SLC25A43: variants seen among roughly 807,000 people sequenced by gnomAD.
SLC25A43 encodes the protein solute carrier family 25, member 43.
SLC25A43 carries 10 observed loss-of-function variants against 22.8 expected under a neutral mutation model. The ratio of observed to expected loss-of-function variants is 0.44; its 90% CI spans 0.27 to 0.74. The LOEUF (loss-of-function observed/expected upper bound fraction) is 0.74, where lower values mean the gene tolerates loss of function less well. Ranked by LOEUF, SLC25A43 falls within the 30% of genes least tolerant of loss-of-function variation. SLC25A43 has a pLI of 0.17. For synonymous variants in SLC25A43, 106 were observed against 121.6 expected (o/e 0.87, Z 0.84); for missense variants, 233 against 279.1 (o/e 0.83, Z 1.18).
At chrX:119,417,026 GC>G (rs748290047) in intron 3 of SLC25A43, among the ~76,000 whole-genome samples, 1 of 111,761 alleles carries the variant, frequency 8.9e-6, no homozygotes, top group Non-Finnish European at 1.9e-5. Flanking sequence ...GCCACTTCAT[GC>G]CTAGTTCAAG....
chrX:119,405,595 C>CAAAAAAAAAAAAAAA (rs56389948), intron 1 of SLC25A43, among the ~76,000 whole-genome samples: 1 of 51,166 alleles, frequency 2.0e-5, no homozygotes, highest in Non-Finnish European at 3.4e-5. Context: ...CCTATCTCTA[C>CAAAAAAAAAAAAAAA]AAAAAAAAAA....
intron 3 of SLC25A43, among the ~76,000 whole-genome samples, chrX:119,415,043 C>T (rs866200820): frequency 9.2e-6 from 1 of 108,812 alleles, no homozygotes; most frequent in African/African-American, 3.4e-5. Flanking sequence ...CCTCAGCCTC[C>T]TGAGTAGCTG....
Position 119,444,496 on chromosome X carries a change from G to T in SLC25A43, c.691-7513G>T, listed in dbSNP as rs532233795. Among the ~76,000 whole-genome samples, 16 of 103,520 alleles carry T rather than the reference G, an allele frequency of 1.5e-4. No homozygotes were observed. In the South Asian group the frequency reaches 7.0e-3, roughly 46 times the overall value. 89.9% of individuals were successfully genotyped at this position (103,520 alleles called of 115,157 possible). ...CGAGGTGGGTGGATCACGAGGTCGA[G>T]AGATCGAGATCACCCTGACCAACAT... On this transcript the variant is annotated intron_variant, in intron 3 of 4. Coordinates refer to ENST00000217909, the MANE Select transcript of SLC25A43 (RefSeq NM_145305.3).
intron 1 of SLC25A43, 64 bp from the exon 2 acceptor site, chrX:119,406,396 G>A (rs2052296582): frequency 1.7e-6 from 2 of 1,157,042 alleles, no homozygotes; most frequent in African/African-American, 3.6e-5. Context: ...TCAAGAACTA[G>A]TGGAGAGAAC....
chrX:119,435,119 G>A (rs1425590080), intron 3 of SLC25A43, among the ~76,000 whole-genome samples: 1 of 111,013 alleles, frequency 9.0e-6, no homozygotes. Context: ...GATTACAGGC[G>A]TGAGCCACTG....
chrX:119,444,891 C>G lies in SLC25A43; in HGVS notation c.691-7118C>G, dbSNP rs190188277. ...CTCTACGAAAAATACAAAAATTAGC[C>G]AGGCGATGTGGCACGTGCCTGTAAT... On this transcript the variant is annotated intron_variant, in intron 3 of 4. Transcript: ENST00000217909. Among the ~76,000 whole-genome samples the G allele has an allele frequency of 3.3e-3, 354 of 107,555 alleles. 5 individuals carry two copies. The highest frequency in any genetic ancestry group is 0.012 in the African/African-American group (343 of 29,549). The allele number at this position is 107,555 out of a possible 115,157, so 93.4% of individuals were successfully genotyped here.
intron 3 of SLC25A43, among the ~76,000 whole-genome samples, chrX:119,433,962 A>G (rs1229036886): frequency 8.9e-6 from 1 of 112,144 alleles, no homozygotes; most frequent in Non-Finnish European, 1.9e-5. Context: ...AAGTCAAGGG[A>G]GTAACCTGAT....
At chrX:119,452,231 G>T in intron 4 of SLC25A43, 88 bp downstream of exon 4, 2 of 1,061,163 alleles carry the variant, frequency 1.9e-6, no homozygotes, top group East Asian at 6.2e-5. Context: ...ACTACAGTTT[G>T]CTTGGAAAAC....
At chrX:119,413,812 T>A (rs1269166043) in intron 3 of SLC25A43, among the ~76,000 whole-genome samples, 1 of 112,027 alleles carries the variant, frequency 8.9e-6, no homozygotes, top group Non-Finnish European at 1.9e-5. Flanking sequence ...ACCATATGGA[T>A]GTGCCAAAAA....
chrX:119,411,657 C>G (rs1286266774), intron 3 of SLC25A43, among the ~76,000 whole-genome samples: 1 of 111,606 alleles, frequency 9.0e-6, no homozygotes, highest in East Asian at 2.8e-4. Context: ...GGGTGGGTAA[C>G]AGTTATATCT....
Position 119,452,139 on chromosome X carries a change from T to C in SLC25A43, c.821T>C (p.Leu274Pro). The change falls in exon 4 of 5, where the codon CTG (leucine) becomes CCG (proline). Residue 274 changes from leucine to proline, a missense_variant. Transcript: ENST00000217909. Reference sequence around the variant, plus strand: ...TGGAATGGATTGACAGCCAATTTACTGAAGGTGAGAAGAGCCACCAGCCTC... The same window carrying C: ...TGGAATGGATTGACAGCCAATTTACCGAAGGTGAGAAGAGCCACCAGCCTC... ...GLWNGLTANL[L>P]KIVPYFGIMF... is the part of the protein sequence containing the mutation. 8.4e-7 allele frequency: 1 copy of C among 1,192,158 alleles called. No homozygotes were observed.
At chrX:119,416,193 T>C (rs1382952590) in intron 3 of SLC25A43, among the ~76,000 whole-genome samples, 1 of 109,368 alleles carries the variant, frequency 9.1e-6, no homozygotes, top group African/African-American at 3.3e-5. Context: ...TCTATCTTAA[T>C]GACCATAACT....
intron 3 of SLC25A43, among the ~76,000 whole-genome samples, chrX:119,435,562 G>A (rs1230115166): frequency 3.6e-5 from 2 of 56,207 alleles, no homozygotes; most frequent in African/African-American, 1.4e-4. Flanking sequence ...CTGGTGCGCT[G>A]CACCCACTAA....
intron 2 of SLC25A43, among the ~76,000 whole-genome samples, chrX:119,408,513 G>A (rs2052318292): frequency 9.0e-6 from 1 of 111,374 alleles, no homozygotes; most frequent in Non-Finnish European, 1.9e-5. Context: ...AGCATCTCCA[G>A]AAATTAGCCC....
rs58081965 is a variant in SLC25A43 at position 119,443,116 on chromosome X, C to CTTTT, written c.691-8875_691-8872dup. ...CAGTCTTTCTTTTCCCATTCTCTCT[C>CTTTT]TTTTTTTTTTTTTTTTTTTTTGAGA... On this transcript the variant is annotated intron_variant, in intron 3 of 4. Transcript: ENST00000217909. Among the ~76,000 whole-genome samples the CTTTT allele has an allele frequency of 5.9e-4, 43 of 73,443 alleles. 1 individual carries two copies. The highest frequency in any genetic ancestry group is 9.3e-4 in the East Asian group (2 of 2,160). 63.8% of individuals were successfully genotyped at this position (73,443 alleles called of 115,157 possible).
At chrX:119,407,213 C>T (rs1456548719) in intron 2 of SLC25A43, among the ~76,000 whole-genome samples, 1 of 111,824 alleles carries the variant, frequency 8.9e-6, no homozygotes, top group African/African-American at 3.3e-5. Context: ...TGGGTGTCTT[C>T]CCATCTCTCT....
intron 3 of SLC25A43, among the ~76,000 whole-genome samples, chrX:119,420,590 G>A (rs1182783619): frequency 8.9e-6 from 1 of 111,817 alleles, no homozygotes; most frequent in Middle Eastern, 4.7e-3. Flanking sequence ...TTACAGGCAT[G>A]AGCCACTGTA....
At chrX:119,428,639 G>A (rs2052528338) in intron 3 of SLC25A43, among the ~76,000 whole-genome samples, 1 of 112,048 alleles carries the variant, frequency 8.9e-6, no homozygotes, top group Non-Finnish European at 1.9e-5. Flanking sequence ...AAATCTCCTT[G>A]TTACATACAT....
chrX:119,430,928 G>T (rs375139944), intron 3 of SLC25A43, among the ~76,000 whole-genome samples: 2 of 111,832 alleles, frequency 1.8e-5, no homozygotes, highest in East Asian at 5.6e-4. Flanking sequence ...CTCATTCAGT[G>T]TACATGCTTT....
Sources: allele counts gnomAD v4.1 joint callset (sites outside exome capture counted in the v4.1 genomes callset), GRCh38; gene constraint gnomAD v4.1.1; transcripts MANE v1.5; gene names NCBI Gene and HGNC (gene_info 2026-07-23, HGNC 2026-07-21).